C12orf54: variants seen among roughly 807,000 people sequenced by gnomAD.
The protein encoded by C12orf54 is chromosome 12 open reading frame 54.
Under a neutral mutation model 26.4 loss-of-function variants are expected in C12orf54, and 24 were observed. The ratio of observed to expected loss-of-function variants is 0.91; its 90% CI spans 0.66 to 1.28. The LOEUF is 1.28. Ranked by LOEUF, C12orf54 falls within the 50% of genes most tolerant of loss-of-function variation. The probability of loss-of-function intolerance (pLI) is 0.00; values close to 1 mark genes in which losing one functional copy is unlikely to be tolerated. For synonymous variants in C12orf54, 54 were observed against 47.0 expected (o/e 1.15, Z -0.61); for missense variants, 154 against 150.9 (o/e 1.02, Z -0.11).
At chr12:48,488,404 G>A (rs1937705962) in intron 4 of C12orf54, 1 of 463,586 alleles carries the variant, frequency 2.2e-6, no homozygotes, top group Non-Finnish European at 4.1e-6. Context: ...CAGTTTAGAG[G>A]TGGATTTGTT....
At chr12:48,467,413 C>T in the C12orf54 span, among the ~76,000 whole-genome samples, 1 of 151,950 alleles carries the variant, frequency 6.6e-6, no homozygotes, top group Admixed American at 6.6e-5. Flanking sequence ...TATGGCAGCC[C>T]TATGAAATGA....
chr12:48,483,111 C>T, intron 1 of C12orf54, 129 bp from the exon 2 acceptor site: 1 of 589,212 alleles, frequency 1.7e-6, no homozygotes, highest in Non-Finnish European at 3.0e-6. Context: ...CAAGCACACA[C>T]ATGCACATGC....
At chr12:48,442,260 T>C in the C12orf54 span, 21 of 197,048 alleles carry the variant, frequency 1.1e-4, no homozygotes, top group East Asian at 2.4e-3. Context: ...CTTCTGCCTG[T>C]AGTGGAGCTG....
Position 48,486,714 on chromosome 12 carries a change from C to T in C12orf54, c.123C>T (p.Thr41=), listed in dbSNP as rs1390554357. ...AAAAACAGGTAACCATCACTGAAAC[C>T]CTGTGGGACCAGGTGAGTACAGAGG... ...PQEKQVTITE[T]LWDQVLTVFK... is the part of the protein sequence containing the mutation. Residue 41 remains threonine (T), a synonymous_variant, in exon 4 of 9, where the codon ACC becomes ACT. Coordinates refer to ENST00000548364, the MANE Select transcript of C12orf54 (RefSeq NM_152319.4). 6.2e-7 allele frequency: 1 copy of T among 1,613,366 alleles called. No individual in the cohort carries two copies. The highest frequency in any genetic ancestry group is 1.3e-5 in the African/African-American group (1 of 75,016).
At chr12:48,457,173 G>A in the C12orf54 span, among the ~76,000 whole-genome samples, 1 of 152,068 alleles carries the variant, frequency 6.6e-6, no homozygotes, top group African/African-American at 2.4e-5. Context: ...AGACCAAGCT[G>A]GGGGTGGTAT....
chr12:48,488,779 C>T, intron 4 of C12orf54, 145 bp from the exon 5 acceptor site: 1 of 689,084 alleles, frequency 1.5e-6, no homozygotes, highest in Non-Finnish European at 2.5e-6. Context: ...TTATTGCTAG[C>T]GCTACAAAGC....
At chr12:48,442,667 C>A in the C12orf54 span, 1 of 169,092 alleles carries the variant, frequency 5.9e-6, no homozygotes, top group Non-Finnish European at 1.3e-5. Flanking sequence ...AGCCATGCAG[C>A]CCTCTACTGA....
chr12:48,472,544 A>T, the C12orf54 span: 4 of 1,165,040 alleles, frequency 3.4e-6, no homozygotes, highest in Non-Finnish European at 4.8e-6. Flanking sequence ...GTTTGGAATT[A>T]AGAATTTACT....
intron 6 of C12orf54, among the ~76,000 whole-genome samples, chr12:48,492,313 C>T (rs140954300): frequency 1.8e-3 from 268 of 152,332 alleles, no homozygotes; most frequent in African/African-American, 6.3e-3. Context: ...GGAACTATGG[C>T]CTCCACTGTG....
At chr12:48,481,212 A>T (rs11168597), upstream of C12orf54, among the ~76,000 whole-genome samples, 390 of 36,468 alleles carry the variant, frequency 0.011, 1 homozygote, top group African/African-American at 0.06. Flanking sequence ...TTTTTTTTTA[A>T]AAAAAATGAC....
chr12:48,415,798 T>C, the C12orf54 span, among the ~76,000 whole-genome samples: 4 of 152,160 alleles, frequency 2.6e-5, no homozygotes, highest in Non-Finnish European at 4.4e-5. Flanking sequence ...CAAAATAATA[T>C]ATACAACTGG....
the C12orf54 span, among the ~76,000 whole-genome samples, chr12:48,432,151 A>C: frequency 6.6e-6 from 1 of 152,222 alleles, no homozygotes; most frequent in Non-Finnish European, 1.5e-5. Context: ...TTCTTCAAAA[A>C]CAGAACATGC....
At chr12:48,467,368 T>G in the C12orf54 span, among the ~76,000 whole-genome samples, 29 of 152,302 alleles carry the variant, frequency 1.9e-4, no homozygotes, top group East Asian at 4.6e-3. Context: ...GAATACATTT[T>G]TGTTGTTAAA....
chr12:48,449,991 A>G, the C12orf54 span, among the ~76,000 whole-genome samples: 1 of 152,142 alleles, frequency 6.6e-6, no homozygotes, highest in South Asian at 2.1e-4. Context: ...TGCCGCTGTC[A>G]TGTAAGAAGC....
intron 4 of C12orf54, chr12:48,488,495 A>AAT (rs67325885): frequency 3.0e-5 from 10 of 334,534 alleles, no homozygotes; most frequent in Non-Finnish European, 4.0e-5. Context: ...AAAAAAAAAA[A>AAT]GAAAGAAAGA....
chr12:48,473,774 G>A, the C12orf54 span: 40 of 173,852 alleles, frequency 2.3e-4, no homozygotes, highest in African/African-American at 6.7e-4. Context: ...CAGGTTGGGT[G>A]GAAGTCCGCG....
the C12orf54 span, among the ~76,000 whole-genome samples, chr12:48,438,325 G>A: frequency 2.6e-5 from 4 of 152,152 alleles, no homozygotes; most frequent in East Asian, 1.9e-4. Flanking sequence ...ATGGCCATAC[G>A]GCCCAAGATA....
chr12:48,426,440 T>C, the C12orf54 span, among the ~76,000 whole-genome samples: 276 of 152,192 alleles, frequency 1.8e-3, no homozygotes, highest in African/African-American at 6.1e-3. Context: ...CCATTGGTCT[T>C]GTGTCTGTTT....
chr12:48,470,684 T>C, the C12orf54 span, among the ~76,000 whole-genome samples: 2 of 81,066 alleles, frequency 2.5e-5, no homozygotes, highest in Admixed American at 1.7e-4. Flanking sequence ...CACTGGTCCA[T>C]TTTTTTTTGT....
Sources: allele counts gnomAD v4.1 joint callset (sites outside exome capture counted in the v4.1 genomes callset), GRCh38; gene constraint gnomAD v4.1.1; transcripts MANE v1.5; gene names NCBI Gene and HGNC (gene_info 2026-07-23, HGNC 2026-07-21).